TAF3: variants seen among roughly 807,000 people sequenced by gnomAD.
The protein encoded by TAF3 is transcription initiation factor TFIID subunit 3.
A neutral mutation model predicts 80.6 loss-of-function variants in TAF3; 7 were observed. The observed-to-expected ratio is 0.09, with a 90% CI of 0.05 to 0.16. The LOEUF (loss-of-function observed/expected upper bound fraction) is 0.16. Among genes scored for constraint, TAF3 ranks in the 10% least tolerant of loss-of-function variants. The pLI, the probability that TAF3 is intolerant of heterozygous loss-of-function variation, is 1.00. For synonymous variants in TAF3, 444 were observed against 446.1 expected (o/e 1.00, Z 0.06); for missense variants, 921 against 1,140.2 (o/e 0.81, Z 2.77).
intron 2 of TAF3, 24 bp downstream of exon 2, chr10:7,824,584 A>G: frequency 6.2e-7 from 1 of 1,607,838 alleles, no homozygotes; most frequent in South Asian, 1.1e-5. Flanking sequence ...TCTTCTTCAT[A>G]TGTTAGTGAT....
At position 7,873,026 on chromosome 10, in the gene TAF3, A is replaced by C. The variant is rs146647763; in HGVS notation, c.409+48466A>C. On this transcript the variant is annotated intron_variant, in intron 2 of 6. Coordinates refer to ENST00000344293, the MANE Select transcript of TAF3 (RefSeq NM_031923.4). ...ATAAGTAGTTTAAAAACAAACAGAA[A>C]TCTTATTTCAAGACTAAATTATAGA... Among the ~76,000 whole-genome samples the C allele has an allele frequency of 3.8e-3, 575 of 152,174 alleles. 4 individuals are homozygous for C. The highest frequency in any genetic ancestry group is 0.02 in the South Asian group (95 of 4,814).
At chr10:7,968,979 A>G (rs1317694178) in intron 3 of TAF3, among the ~76,000 whole-genome samples, 1 of 152,142 alleles carries the variant, frequency 6.6e-6, no homozygotes, top group African/African-American at 2.4e-5. Context: ...CTAGACTGTC[A>G]CTTATTTAAA....
At chr10:7,908,867 C>T (rs1158948221) in intron 2 of TAF3, among the ~76,000 whole-genome samples, 1 of 152,260 alleles carries the variant, frequency 6.6e-6, no homozygotes, top group Non-Finnish European at 1.5e-5. Context: ...GAGGCCTTGT[C>T]CAAGCACAGG....
chr10:7,901,933 A>T (rs1208154594), intron 2 of TAF3, among the ~76,000 whole-genome samples: 3 of 152,030 alleles, frequency 2.0e-5, no homozygotes, highest in Non-Finnish European at 4.4e-5. Context: ...ATTTTGCCAC[A>T]TTGGCTTTCT....
chr10:7,841,692 G>T (rs1175050271), intron 2 of TAF3, among the ~76,000 whole-genome samples: 1 of 152,126 alleles, frequency 6.6e-6, no homozygotes, highest in Admixed American at 6.5e-5. Flanking sequence ...GGATGGTCAG[G>T]ATTTGGAGAT....
chr10:7,867,151 C>T (rs1327090424), intron 2 of TAF3, among the ~76,000 whole-genome samples: 1 of 151,954 alleles, frequency 6.6e-6, no homozygotes, highest in African/African-American at 2.4e-5. Context: ...CCCAGCTACT[C>T]AGGAGGCTGA....
chr10:7,890,542 T>TA (rs1259315423), intron 2 of TAF3, among the ~76,000 whole-genome samples: 1 of 152,262 alleles, frequency 6.6e-6, no homozygotes, highest in Non-Finnish European at 1.5e-5. Context: ...GATGTATAAA[T>TA]ATGTGCATTC....
At chr10:8,008,876 A>C in intron 4 of TAF3, among the ~76,000 whole-genome samples, 1 of 152,168 alleles carries the variant, frequency 6.6e-6, no homozygotes, top group Non-Finnish European at 1.5e-5. Context: ...CATTGAGGGG[A>C]AGTTTGGAAA....
intron 2 of TAF3, among the ~76,000 whole-genome samples, chr10:7,908,365 T>A (rs140651899): frequency 6.6e-6 from 1 of 152,284 alleles, no homozygotes; most frequent in East Asian, 1.9e-4. Flanking sequence ...CATTTTAACA[T>A]TAAAAATTGG....
At chr10:7,858,566 T>C (rs1289092886) in intron 2 of TAF3, among the ~76,000 whole-genome samples, 1 of 152,256 alleles carries the variant, frequency 6.6e-6, no homozygotes, top group Non-Finnish European at 1.5e-5. Flanking sequence ...CAAGTTCGTA[T>C]CTGTGTCATG....
chr10:7,895,885 CT>C (rs1837499665), intron 2 of TAF3, among the ~76,000 whole-genome samples: 1 of 152,230 alleles, frequency 6.6e-6, no homozygotes, highest in African/African-American at 2.4e-5. Context: ...CTCCCCACCC[CT>C]GCGCCTAGTT....
At chr10:7,913,639 C>CT (rs1837678249) in intron 2 of TAF3, among the ~76,000 whole-genome samples, 1 of 152,210 alleles carries the variant, frequency 6.6e-6, no homozygotes, top group Non-Finnish European at 1.5e-5. Context: ...TAGTCCTTGT[C>CT]TAAGTCATGC....
At chr10:7,846,249 G>T (rs183610902) in intron 2 of TAF3, among the ~76,000 whole-genome samples, 2 of 152,092 alleles carry the variant, frequency 1.3e-5, no homozygotes, top group Admixed American at 1.3e-4. Context: ...GAGCCACTGC[G>T]CCCGGCCAAA....
At chr10:7,897,407 C>T (rs1282352838) in intron 2 of TAF3, among the ~76,000 whole-genome samples, 1 of 152,126 alleles carries the variant, frequency 6.6e-6, no homozygotes, top group Non-Finnish European at 1.5e-5. Flanking sequence ...AATTCTGATC[C>T]GTTCTGAATC....
chr10:7,851,680 T>C (rs1837027926), intron 2 of TAF3, among the ~76,000 whole-genome samples: 1 of 152,200 alleles, frequency 6.6e-6, no homozygotes. Context: ...CTGATGACCT[T>C]ATTTTATTTT....
intron 2 of TAF3, among the ~76,000 whole-genome samples, chr10:7,894,102 G>C (rs1272095969): frequency 6.6e-6 from 1 of 152,022 alleles, no homozygotes; most frequent in East Asian, 1.9e-4. Flanking sequence ...CTTTTATATT[G>C]TCTTGCAGTA....
chr10:7,949,759 A>ATT (rs34133343), intron 2 of TAF3, among the ~76,000 whole-genome samples: 1,686 of 152,022 alleles, frequency 0.011, 20 homozygotes, highest in South Asian at 0.033. Flanking sequence ...TCTATAAAAC[A>ATT]TTTTTTTAAC....
chr10:7,824,900 G>A (rs1174236676), intron 2 of TAF3, among the ~76,000 whole-genome samples: 2 of 152,138 alleles, frequency 1.3e-5, no homozygotes, highest in Admixed American at 1.3e-4. Context: ...AGAAAAATTG[G>A]GGTAGCTCTT....
chr10:7,934,984 TACTA>T (rs1303278752), intron 2 of TAF3, among the ~76,000 whole-genome samples: 2 of 151,972 alleles, frequency 1.3e-5, no homozygotes, highest in African/African-American at 4.8e-5. Flanking sequence ...TATTAATAAA[TACTA>T]AGAAGAGGCT....
Sources: gnomAD v4.1 joint callset for allele counts (sites outside exome capture counted in the v4.1 genomes callset) on GRCh38, gnomAD v4.1.1 for gene constraint, MANE v1.5 for transcripts, NCBI Gene and HGNC (gene_info 2026-07-23, HGNC 2026-07-21) for gene names.